PUS10: variants seen among roughly 807,000 people sequenced by gnomAD.
PUS10 encodes the protein pseudouridine synthase 10.
In PUS10, 59 loss-of-function variants were observed where a neutral mutation model predicts 75.0. The observed-to-expected ratio is 0.79, with a 90% CI of 0.64 to 0.98. PUS10 has a LOEUF of 0.98. PUS10 is among the 50% of genes least tolerant of loss of function. The pLI, the probability that PUS10 is intolerant of heterozygous loss-of-function variation, is 0.00. For missense variants in PUS10, 650 were observed against 614.4 expected (o/e 1.06, Z -0.61); for synonymous variants, 219 against 211.6 (o/e 1.03, Z -0.30).
chr2:61,017,179 C>G (rs1164841670), intron 1 of PUS10: 1 of 152,574 alleles, frequency 6.6e-6, no homozygotes, highest in African/African-American at 2.4e-5. Context: ...ACGCCGGAGC[C>G]TGAGATTTAA....
intron 6 of PUS10, chr2:60,965,989 C>T (rs1162655604): frequency 1.3e-5 from 2 of 151,978 alleles, no homozygotes; most frequent in Non-Finnish European, 2.9e-5. Context: ...AAATTATACA[C>T]ATAAATTATA....
chr2:61,014,974 C>T (rs1299307349), intron 1 of PUS10, among the ~76,000 whole-genome samples: 1 of 152,168 alleles, frequency 6.6e-6, no homozygotes, highest in Admixed American at 6.5e-5. Context: ...ATCAGTTCAG[C>T]AGCCAGGACT....
chr2:61,012,290 TA>T (rs1309806488), intron 1 of PUS10, among the ~76,000 whole-genome samples: 1 of 152,132 alleles, frequency 6.6e-6, no homozygotes, highest in East Asian at 1.9e-4. Context: ...GTTAATTCAT[TA>T]AACTTTTCCT....
chr2:60,975,733 C>T (rs1430101697), intron 4 of PUS10, among the ~76,000 whole-genome samples: 3 of 149,978 alleles, frequency 2.0e-5, no homozygotes, highest in African/African-American at 7.3e-5. Context: ...TTTGTCCCGC[C>T]CTTCCTTCAG....
chr2:61,007,391 G>A (rs899656750), intron 3 of PUS10, among the ~76,000 whole-genome samples: 2 of 152,168 alleles, frequency 1.3e-5, no homozygotes, highest in African/African-American at 2.4e-5. Context: ...GAGCCCAGAG[G>A]TGGAGGTTGC....
At chr2:60,992,380 T>C (rs1273537503) in intron 4 of PUS10, among the ~76,000 whole-genome samples, 1 of 152,180 alleles carries the variant, frequency 6.6e-6, no homozygotes, top group Non-Finnish European at 1.5e-5. Context: ...TTAGCATTCA[T>C]GACTAGCTAC....
chr2:60,949,062 C>G lies in PUS10; in HGVS notation c.1309-877G>C, dbSNP rs533917163. 3.3e-5 allele frequency among the ~76,000 whole-genome samples: 5 copies of G among 152,242 alleles called. No individual in the cohort carries two copies. The South Asian group carries it at 1.0e-3, about 32-fold the overall frequency. On this transcript the variant is annotated intron_variant, in intron 15 of 17. Coordinates refer to ENST00000316752, the MANE Select transcript of PUS10 (RefSeq NM_144709.4). Reference sequence around the variant, plus strand: ...AAGTTCTCCACCAAGAAGAAAAGAGCAAGTTCTGACAAAGACCGCATTTGA... The same window carrying G: ...AAGTTCTCCACCAAGAAGAAAAGAGGAAGTTCTGACAAAGACCGCATTTGA...
chr2:60,948,171 G>C lies in PUS10; in HGVS notation c.1323C>G (p.Asp441Glu). 1.2e-6 allele frequency: 2 copies of C among 1,614,124 alleles called. No homozygotes were observed. Among genetic ancestry groups the C allele is most frequent in the Non-Finnish European group, 1.7e-6 (2 of 1,179,998 alleles). The change falls in exon 16 of 18, where the codon GAC becomes GAG. Residue 441 changes from aspartate to glutamate, a missense_variant. Coordinates refer to ENST00000316752, the MANE Select transcript of PUS10 (RefSeq NM_144709.4). Reference sequence around the variant, plus strand: ...GAAGGACGCGCAAAGGTGTTTTCTGGTCGATTTTTAAGTCCTAGGGGAGAA... The same window carrying C: ...GAAGGACGCGCAAAGGTGTTTTCTGCTCGATTTTTAAGTCCTAGGGGAGAA... ...FLNDIKDLKI[D>E]QKTPLRVLHR...
intron 4 of PUS10, among the ~76,000 whole-genome samples, chr2:60,975,391 C>T (rs1164056758): frequency 1.3e-5 from 2 of 152,046 alleles, no homozygotes; most frequent in South Asian, 2.1e-4. Flanking sequence ...GTGATCCGCC[C>T]GCCTTGGCCT....
intron 4 of PUS10, among the ~76,000 whole-genome samples, chr2:60,985,151 T>C (rs1166250878): frequency 1.3e-5 from 2 of 152,230 alleles, no homozygotes; most frequent in Non-Finnish European, 2.9e-5. Context: ...TTTGCTAAAA[T>C]GAATTATATC....
At chr2:60,995,377 A>C (rs1678385469) in intron 4 of PUS10, among the ~76,000 whole-genome samples, 1 of 152,234 alleles carries the variant, frequency 6.6e-6, no homozygotes, top group Non-Finnish European at 1.5e-5. Context: ...TTTTACATAT[A>C]AATGATTGCT....
At chr2:60,962,567 T>A (rs1157536414) in intron 9 of PUS10, among the ~76,000 whole-genome samples, 1 of 151,656 alleles carries the variant, frequency 6.6e-6, no homozygotes, top group East Asian at 1.9e-4. Context: ...AAAGTGAAAC[T>A]CTGTCTCAAA....
intron 8 of PUS10, among the ~76,000 whole-genome samples, chr2:60,963,648 T>C (rs1308078514): frequency 6.6e-6 from 1 of 152,194 alleles, no homozygotes; most frequent in African/African-American, 2.4e-5. Flanking sequence ...AGGAATAATT[T>C]TTTCAAAACC....
At position 60,953,977 on chromosome 2, in the gene PUS10, G is replaced by A. The variant is rs1558875941; in HGVS notation, c.1146C>T (p.Asn382=). 1 of 1,613,656 alleles carries A rather than the reference G, an allele frequency of 6.2e-7. No homozygotes were observed. The highest frequency in any genetic ancestry group is 8.5e-7 in the Non-Finnish European group (1 of 1,179,670). The change falls in exon 14 of 18, where the codon AAC becomes AAT. Residue 382 remains asparagine (N), a synonymous_variant. Coordinates refer to ENST00000316752, the MANE Select transcript of PUS10 (RefSeq NM_144709.4). The stretch of plus-strand genomic sequence containing the variant: ...CACGTACTTGGATTTTGTTAGATGA[G>A]TTATTAATTTTCTGTAGTAGCAGAA... ...EIKELQQKIN[N]SSNKIQVRDL...
At position 61,011,747 on chromosome 2, in the gene PUS10, A is replaced by G. The variant is rs574133249; in HGVS notation, c.126+18T>C. On this transcript the variant is annotated intron_variant, in intron 2 of 17. Transcript: ENST00000316752. ...CCTTCTCTTAATTTGAAAAAAAAAA[A>G]AAAAGAAAAGAAAATACCTTGTATG... 4.7e-5 allele frequency: 71 copies of G among 1,505,722 alleles called. No homozygotes were observed. In the East Asian group the frequency reaches 9.7e-4, roughly 20 times the overall value. The allele number at this position is 1,505,722 out of a possible 1,614,324, so 93.3% of individuals were successfully genotyped here.
chr2:60,943,472 A>T (rs1267140415), intron 17 of PUS10, among the ~76,000 whole-genome samples: 1 of 29,848 alleles, frequency 3.4e-5, no homozygotes, highest in African/African-American at 8.0e-5. Context: ...AGAGAAAGTT[A>T]AAAAAAAAAA....
At chr2:60,959,636 G>A (rs1428843761) in intron 11 of PUS10, among the ~76,000 whole-genome samples, 2 of 152,050 alleles carry the variant, frequency 1.3e-5, no homozygotes, top group African/African-American at 2.4e-5. Context: ...TGATTCGCCC[G>A]CCTCAGCCAC....
At position 60,955,075 on chromosome 2, in the gene PUS10, C is replaced by T; in HGVS notation, c.1001-1G>A. The T allele has an allele frequency of 6.3e-7, 1 of 1,587,028 alleles. No homozygotes were observed. The highest frequency in any genetic ancestry group is 8.6e-7 in the Non-Finnish European group (1 of 1,166,758). On this transcript the variant is annotated splice_acceptor_variant, in intron 11 of 17. Transcript: ENST00000316752. LOFTEE classifies it high-confidence loss of function. ...CTTCCAGAGGATGAAAAATTAAAAC[C>T]TTTGAAAAGCAGATAAAGAAAAAAA...
chr2:61,006,717 G>C (rs888523972), intron 3 of PUS10, 74 bp from the exon 4 acceptor site: 1 of 1,169,096 alleles, frequency 8.6e-7, no homozygotes, highest in East Asian at 2.5e-5. Context: ...TTAATAACAT[G>C]AATTTCTGGT....
Sources: gnomAD v4.1 joint callset for allele counts (sites outside exome capture counted in the v4.1 genomes callset) on GRCh38, gnomAD v4.1.1 for gene constraint, MANE v1.5 for transcripts, NCBI Gene and HGNC (gene_info 2026-07-23, HGNC 2026-07-21) for gene names.